The following CNST variants were observed in gnomAD, a reference collection of about 807,000 sequenced individuals.
The protein encoded by CNST is consortin, connexin sorting protein.
In CNST, 39 loss-of-function variants were observed where a neutral mutation model predicts 72.4. The ratio of observed to expected loss-of-function variants is 0.54; its 90% CI spans 0.42 to 0.70. The LOEUF (loss-of-function observed/expected upper bound fraction) is 0.70. Among genes scored for constraint, CNST ranks in the 30% least tolerant of loss-of-function variants. The pLI, the probability that CNST is intolerant of heterozygous loss-of-function variation, is 0.00. For missense variants in CNST, 871 were observed against 868.5 expected (o/e 1.00, Z -0.04); for synonymous variants, 332 against 320.1 (o/e 1.04, Z -0.40).
chr1:246,585,178 A>C (rs1661052878), intron 1 of CNST, among the ~76,000 whole-genome samples: 1 of 151,618 alleles, frequency 6.6e-6, no homozygotes, highest in Admixed American at 6.6e-5. Flanking sequence ...AAGACCTCGA[A>C]CTCTGGTTTT....
At chr1:246,642,135 T>TTTG (rs1665753103) in intron 8 of CNST, 98 bp downstream of exon 8, 1 of 286,418 alleles carries the variant, frequency 3.5e-6, no homozygotes, top group African/African-American at 2.5e-5. Flanking sequence ...AGGATCTGGT[T>TTTG]TTTTTTTTTT....
intron 6 of CNST, among the ~76,000 whole-genome samples, chr1:246,634,811 G>A (rs574602732): frequency 6.6e-6 from 1 of 152,362 alleles, no homozygotes; most frequent in East Asian, 1.9e-4. Context: ...GCACCTGGGT[G>A]CAGACGGGCT....
intron 9 of CNST, among the ~76,000 whole-genome samples, chr1:246,649,971 A>AG (rs1394022056): frequency 6.6e-6 from 1 of 151,764 alleles, no homozygotes; most frequent in Non-Finnish European, 1.5e-5. Context: ...TTTCTCCTGT[A>AG]TATTTCAGTC....
Position 246,658,872 on chromosome 1 carries a change from C to T in CNST, c.1837-1327C>T, listed in dbSNP as rs562005178. On this transcript the variant is annotated intron_variant, in intron 9 of 10. Coordinates refer to ENST00000366513, the MANE Select transcript of CNST (RefSeq NM_152609.3). ...TGTGACTGGCCCTGCTGTTCAGGGG[C>T]CTTCGGCAAGGCCTCCTGCTTCCCA... Among the ~76,000 whole-genome samples, 11 of 152,316 alleles carry T rather than the reference C, an allele frequency of 7.2e-5. No homozygotes were observed. In the South Asian group the frequency reaches 1.9e-3, roughly 26 times the overall value.
intron 9 of CNST, among the ~76,000 whole-genome samples, chr1:246,659,643 G>C (rs1260755933): frequency 6.6e-6 from 1 of 152,038 alleles, no homozygotes; most frequent in South Asian, 2.1e-4. Flanking sequence ...AGAAATTCTG[G>C]AAGTCCTTAA....
intron 2 of CNST, chr1:246,607,005 T>C: frequency 6.6e-6 from 1 of 151,796 alleles, no homozygotes. Flanking sequence ...CAGGCCTTTT[T>C]TGACAAGACA....
At chr1:246,660,412 G>GT in intron 10 of CNST, 78 bp downstream of exon 10, 1 of 1,469,774 alleles carries the variant, frequency 6.8e-7, no homozygotes, top group Non-Finnish European at 9.3e-7. Context: ...ATGATGTGAC[G>GT]TTTACTAACA....
rs748353859 is a variant in CNST at position 246,647,381 on chromosome 1, T to C, written c.1180T>C (p.Cys394Arg). Residue 394 changes from cysteine to arginine, a missense_variant, in exon 9 of 11, where the codon TGT becomes CGT. By Grantham distance (180) the Cys-to-Arg change is radical. Coordinates refer to ENST00000366513, the MANE Select transcript of CNST (RefSeq NM_152609.3). ...TGGGCCAGACTCTTCTGAGGATGCTTGTGAGGATGACAGTCGCTTGCAGCT... is the reference window on the plus strand; with the variant it reads ...TGGGCCAGACTCTTCTGAGGATGCTCGTGAGGATGACAGTCGCTTGCAGCT... ...PSGPDSSEDACEDDSRLQLAQ... is the reference protein window; with the variant it reads ...PSGPDSSEDAREDDSRLQLAQ... 17 of 1,613,882 alleles carry C rather than the reference T, an allele frequency of 1.1e-5. No individual in the cohort carries two copies. Among genetic ancestry groups the C allele is most frequent in the Non-Finnish European group, 1.3e-5 (15 of 1,180,002 alleles).
chr1:246,633,307 G>C (rs969015383), intron 4 of CNST, among the ~76,000 whole-genome samples: 4 of 151,800 alleles, frequency 2.6e-5, no homozygotes, highest in African/African-American at 7.3e-5. Flanking sequence ...AAAGGAGCCG[G>C]GCATGATGGT....
chr1:246,635,722 G>A (rs535960795), intron 6 of CNST, among the ~76,000 whole-genome samples: 2 of 152,174 alleles, frequency 1.3e-5, no homozygotes, highest in African/African-American at 4.8e-5. Context: ...GCAGCCTTTA[G>A]TCTAATTATT....
intron 2 of CNST, among the ~76,000 whole-genome samples, chr1:246,598,925 G>A (rs150040895): frequency 6.6e-6 from 1 of 152,088 alleles, no homozygotes; most frequent in Non-Finnish European, 1.5e-5. Context: ...CAGAAGTCCT[G>A]GTTTACCTTA....
intron 3 of CNST, among the ~76,000 whole-genome samples, chr1:246,624,862 CG>C (rs1165754729): frequency 6.6e-6 from 1 of 152,162 alleles, no homozygotes; most frequent in African/African-American, 2.4e-5. Flanking sequence ...CCATGTTGCC[CG>C]GGCTGGTCTT....
chr1:246,612,858 C>G (rs1663425366), intron 2 of CNST, among the ~76,000 whole-genome samples: 1 of 152,126 alleles, frequency 6.6e-6, no homozygotes, highest in African/African-American at 2.4e-5. Flanking sequence ...GCACTCCAGC[C>G]TGGGTGACAG....
chr1:246,648,325 A>G (rs1331461343), intron 9 of CNST: 4 of 746,552 alleles, frequency 5.4e-6, no homozygotes, highest in Admixed American at 9.7e-5. Context: ...GTTATGTGGC[A>G]GTTCCAGATA....
chr1:246,646,501 A>T (rs1572233686), intron 8 of CNST, among the ~76,000 whole-genome samples: 1 of 152,072 alleles, frequency 6.6e-6, no homozygotes, highest in East Asian at 1.9e-4. Context: ...TGTTTTTGAG[A>T]TGGAGTTTTG....
intron 1 of CNST, among the ~76,000 whole-genome samples, chr1:246,579,538 A>G (rs1191062397): frequency 6.6e-6 from 1 of 152,160 alleles, no homozygotes; most frequent in Non-Finnish European, 1.5e-5. Flanking sequence ...GGAGGCCAAA[A>G]CAGGAGGATC....
chr1:246,640,617 T>A (rs1388115401), intron 6 of CNST, among the ~76,000 whole-genome samples: 2 of 152,192 alleles, frequency 1.3e-5, no homozygotes, highest in Non-Finnish European at 2.9e-5. Flanking sequence ...CTTTCCATTT[T>A]ATGGATAACT....
intron 9 of CNST, among the ~76,000 whole-genome samples, chr1:246,654,176 C>T (rs1356632782): frequency 6.6e-6 from 1 of 152,200 alleles, no homozygotes; most frequent in Non-Finnish European, 1.5e-5. Flanking sequence ...ACGTCATCTT[C>T]TGTCCTGGGG....
intron 2 of CNST, among the ~76,000 whole-genome samples, chr1:246,594,105 T>C (rs899465871): frequency 3.9e-5 from 6 of 152,208 alleles, no homozygotes; most frequent in Non-Finnish European, 8.8e-5. Context: ...GAGTCAGTCA[T>C]AGCTTTAAGA....
Sources: allele counts gnomAD v4.1 joint callset (sites outside exome capture counted in the v4.1 genomes callset), GRCh38; gene constraint gnomAD v4.1.1; transcripts MANE v1.5; gene names NCBI Gene and HGNC (gene_info 2026-07-23, HGNC 2026-07-21).